SNX9: variants seen among roughly 807,000 people sequenced by gnomAD.
The protein encoded by SNX9 is sorting nexin-9.
In SNX9, 44 loss-of-function variants were observed where a neutral mutation model predicts 89.4. The observed-to-expected ratio is 0.49, with a 90% CI of 0.39 to 0.63. The LOEUF is 0.63. Among genes scored for constraint, SNX9 ranks in the 30% least tolerant of loss-of-function variants. The probability of loss-of-function intolerance (pLI) is 0.00; values close to 1 mark genes in which losing one functional copy is unlikely to be tolerated. For missense variants in SNX9, 578 were observed against 736.1 expected (o/e 0.79, Z 2.49); for synonymous variants, 236 against 247.8 (o/e 0.95, Z 0.45).
At chr6:157,880,783 G>A (rs190563856) in intron 4 of SNX9, among the ~76,000 whole-genome samples, 161 of 152,306 alleles carry the variant, frequency 1.1e-3, no homozygotes, top group Non-Finnish European at 1.8e-3. Flanking sequence ...TGTCAAGGCA[G>A]TGAGTTTAGG....
chr6:157,888,736 A>C (rs968465192), intron 4 of SNX9, among the ~76,000 whole-genome samples: 1 of 152,152 alleles, frequency 6.6e-6, no homozygotes, highest in Non-Finnish European at 1.5e-5. Flanking sequence ...TCCCAAGTGA[A>C]GTGATTATGT....
Position 157,941,565 on chromosome 6 carries a change from T to C in SNX9, c.1740+591T>C, listed in dbSNP as rs147076194. 2.8e-3 allele frequency among the ~76,000 whole-genome samples: 421 copies of C among 152,338 alleles called. 2 individuals carry two copies. The highest frequency in any genetic ancestry group is 8.9e-3 in the African/African-American group (368 of 41,576). ...GAAAACAAAAATCTAGTAGCATGTC[T>C]CCCTCAGACACCTGCAGGTAAGGTC... is the stretch of plus-strand genomic sequence containing the variant. On this transcript the variant is annotated intron_variant, in intron 17 of 17. Coordinates refer to ENST00000392185, the MANE Select transcript of SNX9 (RefSeq NM_016224.5).
At chr6:157,841,740 C>T (rs1274121629) in intron 1 of SNX9, among the ~76,000 whole-genome samples, 2 of 152,154 alleles carry the variant, frequency 1.3e-5, no homozygotes, top group Non-Finnish European at 2.9e-5. Context: ...GCTTCTGCTA[C>T]GACAAGGTCC....
chr6:157,931,941 AC>A (rs1267204127), intron 12 of SNX9, among the ~76,000 whole-genome samples: 3 of 152,244 alleles, frequency 2.0e-5, no homozygotes, highest in Non-Finnish European at 4.4e-5. Flanking sequence ...CATTTCACTT[AC>A]ATCTCATTTG....
chr6:157,899,157 G>T (rs564640143), intron 5 of SNX9, among the ~76,000 whole-genome samples: 1 of 152,086 alleles, frequency 6.6e-6, no homozygotes, highest in Non-Finnish European at 1.5e-5. Flanking sequence ...TATCTGACAC[G>T]GGGATTATTG....
At position 157,919,711 on chromosome 6, in the gene SNX9, C is replaced by T. The variant is rs552556578; in HGVS notation, c.950-1820C>T. 1.7e-4 allele frequency among the ~76,000 whole-genome samples: 26 copies of T among 152,132 alleles called. 1 individual carries two copies. The highest frequency in any genetic ancestry group is 4.8e-4 in the African/African-American group (20 of 41,498). On this transcript the variant is annotated intron_variant, in intron 9 of 17. Transcript: ENST00000392185. ...TTTTTTCTGCCAAATTCAACATCTG[C>T]GGACACTCAGAGATAGTGTCTATTG...
intron 9 of SNX9, among the ~76,000 whole-genome samples, chr6:157,918,714 G>A (rs1283871507): frequency 6.6e-6 from 1 of 151,886 alleles, no homozygotes; most frequent in Non-Finnish European, 1.5e-5. Context: ...ACGGTGTATT[G>A]TTTTAATTCC....
At chr6:157,864,807 A>T (rs1332301065) in intron 1 of SNX9, among the ~76,000 whole-genome samples, 3 of 151,956 alleles carry the variant, frequency 2.0e-5, no homozygotes, top group African/African-American at 7.3e-5. Flanking sequence ...AGGCGGGCAG[A>T]TCATGAGGTC....
At chr6:157,888,482 T>C (rs1782783755) in intron 4 of SNX9, among the ~76,000 whole-genome samples, 1 of 152,222 alleles carries the variant, frequency 6.6e-6, no homozygotes, top group African/African-American at 2.4e-5. Flanking sequence ...TTCTGGAGAA[T>C]TTGGTCCTGC....
rs1438519455 is a variant in SNX9, at chr6:157,834,149, GGTTTTTTTTT to G, written c.12+10704_12+10713del. Among the ~76,000 whole-genome samples, 73 of 60,066 alleles carry G rather than the reference GGTTTTTTTTT, an allele frequency of 1.2e-3. 1 individual carries two copies. The East Asian group carries it at 0.021, about 17-fold the overall frequency. The allele number at this position is 60,066 out of a possible 152,430, so 39.4% of individuals were successfully genotyped here. On this transcript the variant is annotated intron_variant, in intron 1 of 17. Coordinates refer to ENST00000392185, the MANE Select transcript of SNX9 (RefSeq NM_016224.5). ...GATCCTGCCATGTGGTGTCCACTGT[GGTTTTTTTTT>G]TTTTTTTTTTTTTTTTTTTTTTTTT...
intron 4 of SNX9, among the ~76,000 whole-genome samples, chr6:157,894,888 G>C (rs1188463156): frequency 6.6e-6 from 1 of 152,146 alleles, no homozygotes; most frequent in Non-Finnish European, 1.5e-5. Flanking sequence ...GAACCACCAG[G>C]ATGGCTGATT....
intron 4 of SNX9, among the ~76,000 whole-genome samples, chr6:157,887,921 T>A (rs1372850718): frequency 6.6e-6 from 1 of 152,192 alleles, no homozygotes; most frequent in Non-Finnish European, 1.5e-5. Context: ...GAAGCTGGGC[T>A]CCAGAATGGT....
intron 7 of SNX9, 73 bp from the exon 8 acceptor site, chr6:157,909,592 T>A: frequency 6.4e-7 from 1 of 1,561,424 alleles, no homozygotes; most frequent in Non-Finnish European, 8.8e-7. Context: ...AAGAATTACT[T>A]GCTGATTCAC....
At chr6:157,914,463 CTTTTTCTTTTTTTTT>C (rs909569795) in intron 9 of SNX9, among the ~76,000 whole-genome samples, 2 of 96,632 alleles carry the variant, frequency 2.1e-5, no homozygotes, top group African/African-American at 8.8e-5. Flanking sequence ...TTGTCATTTT[CTTTTTCTTTTTTTTT>C]TTTTTTTTTT....
intron 14 of SNX9, among the ~76,000 whole-genome samples, chr6:157,936,546 A>G (rs1056841596): frequency 2.6e-5 from 4 of 152,212 alleles, no homozygotes; most frequent in Non-Finnish European, 5.9e-5. Context: ...GCACTCCAGT[A>G]TTGATGCCTC....
rs1247925482 is a variant in SNX9, at chr6:157,823,765, C to G, written c.12+319C>G. On this transcript the variant is annotated intron_variant, in intron 1 of 17. Coordinates refer to ENST00000392185, the MANE Select transcript of SNX9 (RefSeq NM_016224.5). The surrounding 1 kb of genome is among the most constrained non-coding windows in gnomAD (Gnocchi z 4.6). ...GCGGCGGGCTCGCCGGGAGGGGCCG[C>G]GGGACGGAAACTTCCCGCAGCCCGG... Among the ~76,000 whole-genome samples, 2 of 151,886 alleles carry G rather than the reference C, an allele frequency of 1.3e-5. No individual in the cohort carries two copies. The highest frequency in any genetic ancestry group is 1.9e-4 in the East Asian group (1 of 5,174).
intron 12 of SNX9, 43 bp downstream of exon 12, chr6:157,928,745 T>C (rs1465899424): frequency 1.4e-6 from 2 of 1,448,554 alleles, no homozygotes; most frequent in Non-Finnish European, 1.8e-6. Flanking sequence ...TAGGGGGTGA[T>C]GCAGGCTCAG....
chr6:157,863,369 CTAATGTTTATTT>C (rs1340590225), intron 1 of SNX9, among the ~76,000 whole-genome samples: 1 of 152,186 alleles, frequency 6.6e-6, no homozygotes, highest in African/African-American at 2.4e-5. Flanking sequence ...TTTGAATCCA[CTAATGTTTATTT>C]TACTGATAAG....
intron 1 of SNX9, among the ~76,000 whole-genome samples, chr6:157,836,981 A>G (rs1384379264): frequency 6.6e-6 from 1 of 152,210 alleles, no homozygotes; most frequent in African/African-American, 2.4e-5. Flanking sequence ...AGGGATGGAA[A>G]AATAAAAGAA....
Sources: allele counts gnomAD v4.1 joint callset (sites outside exome capture counted in the v4.1 genomes callset), GRCh38; gene constraint gnomAD v4.1.1; non-coding constraint Gnocchi (gnomAD v3.1); transcripts MANE v1.5; gene names NCBI Gene and HGNC (gene_info 2026-07-23, HGNC 2026-07-21).